The following SCAND3 variants were observed in gnomAD, a reference collection of about 807,000 sequenced individuals.
The protein encoded by SCAND3 is SCAN domain containing 3, also known as SCAN domain-containing protein 3.
At chr6:28,598,683 A>AAAAAT in the SCAND3 span, among the ~76,000 whole-genome samples, 21,537 of 137,882 alleles carry the variant, frequency 0.16, 2,001 homozygotes, top group East Asian at 0.34. Context: ...TGTTTCTACT[A>AAAAAT]AAAATAAAAT....
chr6:28,578,858 A>G, the SCAND3 span, among the ~76,000 whole-genome samples: 3 of 152,232 alleles, frequency 2.0e-5, no homozygotes, highest in African/African-American at 7.2e-5. Flanking sequence ...ACACTAATAA[A>G]CATAGACTTC....
the SCAND3 span, among the ~76,000 whole-genome samples, chr6:28,607,905 GT>G: frequency 2.6e-5 from 4 of 152,056 alleles, no homozygotes; most frequent in African/African-American, 9.7e-5. Flanking sequence ...TAAATGACAT[GT>G]TTTTGGGAAA....
At chr6:28,613,327 A>G in the SCAND3 span, among the ~76,000 whole-genome samples, 15 of 152,190 alleles carry the variant, frequency 9.9e-5, no homozygotes, top group Non-Finnish European at 1.6e-4. Flanking sequence ...AGTATTTCCC[A>G]TCAGTCTTTA....
At chr6:28,572,038 A>G in the SCAND3 span, 5 of 1,614,082 alleles carry the variant, frequency 3.1e-6, no homozygotes, top group South Asian at 1.1e-5. The surrounding 1 kb of genome is among the most constrained non-coding windows in gnomAD (Gnocchi z 4.1). Flanking sequence ...AATAACACTT[A>G]AAGTAGAGAA....
the SCAND3 span, among the ~76,000 whole-genome samples, chr6:28,593,376 T>C: frequency 7.6e-6 from 1 of 131,574 alleles, no homozygotes; most frequent in Non-Finnish European, 1.6e-5. Context: ...ACCATTAGAA[T>C]GAGTTTTTTT....
the SCAND3 span, among the ~76,000 whole-genome samples, chr6:28,607,155 T>C: frequency 6.6e-6 from 1 of 152,186 alleles, no homozygotes; most frequent in Non-Finnish European, 1.5e-5. Flanking sequence ...TGTCTGTGGT[T>C]GGGGGTGTAG....
the SCAND3 span, among the ~76,000 whole-genome samples, chr6:28,601,584 A>G: frequency 6.6e-6 from 1 of 152,036 alleles, no homozygotes; most frequent in Non-Finnish European, 1.5e-5. Context: ...CAGTGGTGTG[A>G]TCTCAGTTCA....
At chr6:28,610,938 T>C in the SCAND3 span, among the ~76,000 whole-genome samples, 1 of 152,178 alleles carries the variant, frequency 6.6e-6, no homozygotes, top group Non-Finnish European at 1.5e-5. Flanking sequence ...TAGTGCTCAA[T>C]TTAAAATAAA....
At chr6:28,579,348 A>G in the SCAND3 span, 1 of 1,614,070 alleles carries the variant, frequency 6.2e-7, no homozygotes, top group African/African-American at 1.3e-5. The surrounding 1 kb of genome is among the most constrained non-coding windows in gnomAD (Gnocchi z 4.5). Context: ...GGGTGCCTAA[A>G]GACTCCTTTG....
the SCAND3 span, among the ~76,000 whole-genome samples, chr6:28,615,213 C>A: frequency 1.7e-4 from 26 of 152,296 alleles, no homozygotes; most frequent in African/African-American, 6.0e-4. Flanking sequence ...GTTGGCCATT[C>A]CCCTCTCAAA....
chr6:28,615,230 C>T, the SCAND3 span, among the ~76,000 whole-genome samples: 1 of 152,180 alleles, frequency 6.6e-6, no homozygotes, highest in Non-Finnish European at 1.5e-5. Context: ...CAAAACATTT[C>T]ATATGAATTT....
the SCAND3 span, chr6:28,579,349 G>C: frequency 6.2e-7 from 1 of 1,613,972 alleles, no homozygotes; most frequent in Non-Finnish European, 8.5e-7. The surrounding 1 kb of genome is among the most constrained non-coding windows in gnomAD (Gnocchi z 4.5). Context: ...GGTGCCTAAA[G>C]ACTCCTTTGC....
At chr6:28,613,795 A>G in the SCAND3 span, among the ~76,000 whole-genome samples, 1 of 152,146 alleles carries the variant, frequency 6.6e-6, no homozygotes, top group Non-Finnish European at 1.5e-5. Context: ...ACAGCAAAAC[A>G]AAATCCACAA....
the SCAND3 span, among the ~76,000 whole-genome samples, chr6:28,584,342 C>G: frequency 2.6e-5 from 4 of 151,398 alleles, no homozygotes; most frequent in Admixed American, 1.3e-4. Context: ...TTTTAAAAGA[C>G]AATTTTTTTC....
the SCAND3 span, among the ~76,000 whole-genome samples, chr6:28,603,333 T>C: frequency 0.019 from 2,906 of 152,352 alleles, 40 homozygotes; most frequent in African/African-American, 0.038. Flanking sequence ...CAAGTCTAGA[T>C]TGGCAATTGT....
At chr6:28,607,396 T>C in the SCAND3 span, among the ~76,000 whole-genome samples, 1 of 152,226 alleles carries the variant, frequency 6.6e-6, no homozygotes, top group South Asian at 2.1e-4. Flanking sequence ...AGGAAGGTCT[T>C]GAACCCTTTG....
the SCAND3 span, among the ~76,000 whole-genome samples, chr6:28,593,010 A>ATTTTT: frequency 2.7e-4 from 40 of 145,640 alleles, no homozygotes; most frequent in South Asian, 3.7e-3. Context: ...CTGGGCAATG[A>ATTTTT]TTTTTTTTTT....
At chr6:28,613,598 G>C in the SCAND3 span, among the ~76,000 whole-genome samples, 1 of 152,146 alleles carries the variant, frequency 6.6e-6, no homozygotes, top group African/African-American at 2.4e-5. Flanking sequence ...GTAATGCTTA[G>C]AGATGGTTGA....
At chr6:28,609,733 AT>A in the SCAND3 span, among the ~76,000 whole-genome samples, 11 of 152,246 alleles carry the variant, frequency 7.2e-5, no homozygotes, top group Non-Finnish European at 8.8e-5. Context: ...GTAACCCATA[AT>A]AAAGTAAAGT....
Sources: gnomAD v4.1 joint callset for allele counts (sites outside exome capture counted in the v4.1 genomes callset) on GRCh38, gnomAD v4.1.1 for gene constraint, Gnocchi (gnomAD v3.1) non-coding constraint, MANE v1.5 for transcripts, NCBI Gene and HGNC (gene_info 2026-07-23, HGNC 2026-07-21) for gene names.